RABL6: variants seen among roughly 807,000 people sequenced by gnomAD.
RABL6 encodes the protein RAB, member RAS oncogene family like 6.
In RABL6, 28 loss-of-function variants were observed where a neutral mutation model predicts 72.9. That is an observed-to-expected ratio of 0.38 (90% CI 0.28 to 0.53). The LOEUF (loss-of-function observed/expected upper bound fraction) is 0.53, where lower values mean the gene tolerates loss of function less well. Ranked by LOEUF, RABL6 falls within the 20% of genes least tolerant of loss-of-function variation. The pLI is 0.80. For synonymous variants in RABL6, 477 were observed against 421.2 expected (o/e 1.13, Z -1.62); for missense variants, 1,029 against 1,008.4 (o/e 1.02, Z -0.28).
intron 8 of RABL6, 158 bp from the exon 9 acceptor site, chr9:136,837,188 T>C: frequency 1.1e-6 from 1 of 873,356 alleles, no homozygotes; most frequent in Non-Finnish European, 1.9e-6. Context: ...ACTGCTGCCC[T>C]TGGAAGTGGA....
At position 136,840,653 on chromosome 9, in the gene RABL6, C is replaced by T. The variant is rs1412589518; in HGVS notation, c.*131C>T. 55 of 1,549,470 alleles carry T rather than the reference C, an allele frequency of 3.5e-5. No individual in the cohort carries two copies. The highest frequency in any genetic ancestry group is 3.6e-4 in the Middle Eastern group (2 of 5,486). Reference sequence around the variant, plus strand: ...TGTGCGCTTCTGAGCTGGAAGAGGCCGGGCATTGGTGGTCCCCAGGCTGGG... The same window carrying T: ...TGTGCGCTTCTGAGCTGGAAGAGGCTGGGCATTGGTGGTCCCCAGGCTGGG... On this transcript the variant is annotated 3_prime_UTR_variant, in exon 15 of 15. Transcript: ENST00000311502.
At chr9:136,830,598 C>T (rs1848452618) in intron 5 of RABL6, among the ~76,000 whole-genome samples, 1 of 152,270 alleles carries the variant, frequency 6.6e-6, no homozygotes, top group Non-Finnish European at 1.5e-5. Context: ...GGCAGCAGGC[C>T]AGCCTGGTGG....
intron 1 of RABL6, chr9:136,808,699 A>G (rs1847929973): frequency 6.5e-6 from 1 of 152,840 alleles, no homozygotes. Flanking sequence ...CCGACGCTCC[A>G]CGGTGCCCAG....
intron 1 of RABL6, chr9:136,809,361 G>GT (rs1354166141): frequency 2.0e-5 from 4 of 201,320 alleles, no homozygotes; most frequent in African/African-American, 9.6e-5. Context: ...GCCTTCCTTA[G>GT]TCCCCCGGCC....
intron 1 of RABL6, chr9:136,821,561 G>A (rs1400013078): frequency 2.0e-6 from 2 of 985,358 alleles, no homozygotes; most frequent in Non-Finnish European, 2.4e-6. Flanking sequence ...GCTCATCTGG[G>A]GGGGACGGCG....
At chr9:136,830,525 C>T (rs371679403) in intron 5 of RABL6, among the ~76,000 whole-genome samples, 3 of 152,268 alleles carry the variant, frequency 2.0e-5, no homozygotes, top group Non-Finnish European at 4.4e-5. Context: ...TCAGCTCGGG[C>T]GCACACGCTG....
chr9:136,813,162 G>A, intron 1 of RABL6: 2 of 463,714 alleles, frequency 4.3e-6, no homozygotes, highest in Non-Finnish European at 8.0e-6. Flanking sequence ...GTTTTAGATG[G>A]CTGGCTCCTG....
intron 5 of RABL6, among the ~76,000 whole-genome samples, chr9:136,830,476 CCA>C (rs1273849834): frequency 6.6e-6 from 1 of 152,258 alleles, no homozygotes; most frequent in African/African-American, 2.4e-5. Flanking sequence ...GGCAGGAGAA[CCA>C]CACACGGGGC....
intron 1 of RABL6, chr9:136,815,272 C>T (rs1424234534): frequency 1.0e-5 from 3 of 288,048 alleles, no homozygotes; most frequent in Non-Finnish European, 2.1e-5. Flanking sequence ...GCAGGTGTGG[C>T]GACTGCTTTG....
chr9:136,831,843 T>C lies in RABL6; in HGVS notation c.581T>C (p.Phe194Ser). Residue 194 changes from phenylalanine to serine, a missense_variant, in exon 6 of 15, where the codon TTC becomes TCC. By Grantham distance (155) the Phe-to-Ser change is radical. This residue lies in a region of RABL6 where 434 missense variants were observed against 536.1 expected (regional missense o/e 0.81). Transcript: ENST00000311502. ...ATCCTGCCGGACGACGTGCGTGACT[T>C]CATCGACAACCTGGACAGGTGGGTG... ...RVILPDDVRD[F>S]IDNLDRPPGS... is the part of the protein sequence containing the mutation. 6.2e-7 allele frequency: 1 copy of C among 1,612,054 alleles called. No individual in the cohort carries two copies. The highest frequency in any genetic ancestry group is 8.5e-7 in the Non-Finnish European group (1 of 1,179,190).
At chr9:136,812,218 C>T (rs930170371) in intron 1 of RABL6, among the ~76,000 whole-genome samples, 3 of 152,102 alleles carry the variant, frequency 2.0e-5, no homozygotes, top group Non-Finnish European at 4.4e-5. Context: ...CCCAGGAGCT[C>T]GGACAACCAG....
chr9:136,815,338 G>A (rs768070118), intron 1 of RABL6: 3 of 275,702 alleles, frequency 1.1e-5, no homozygotes, highest in South Asian at 4.1e-5. Flanking sequence ...TTTTTTGTTC[G>A]GGAAACTGTC....
At position 136,838,383 on chromosome 9, in the gene RABL6, C is replaced by T. The variant is rs555580609; in HGVS notation, c.1280+368C>T. Among the ~76,000 whole-genome samples, 26 of 152,326 alleles carry T rather than the reference C, an allele frequency of 1.7e-4. No individual in the cohort carries two copies. The South Asian group carries it at 1.9e-3, about 11-fold the overall frequency. On this transcript the variant is annotated intron_variant, in intron 10 of 14. Transcript: ENST00000311502. Reference sequence around the variant, plus strand: ...GATCCAGGTGCTGCAGAGACAGGGGCGGCTTCCTGCAGGTCCTAGAGCTGG... The same window carrying T: ...GATCCAGGTGCTGCAGAGACAGGGGTGGCTTCCTGCAGGTCCTAGAGCTGG...
chr9:136,817,440 A>T (rs931907967), intron 1 of RABL6, among the ~76,000 whole-genome samples: 2 of 152,210 alleles, frequency 1.3e-5, no homozygotes, highest in African/African-American at 4.8e-5. Flanking sequence ...GACTTCCCTG[A>T]GAGGAGCATG....
chr9:136,830,712 G>A (rs1434135715), intron 5 of RABL6, among the ~76,000 whole-genome samples: 3 of 152,260 alleles, frequency 2.0e-5, no homozygotes, highest in Admixed American at 6.5e-5. Context: ...AGCTGCAGCC[G>A]CCTGGGCTGC....
At chr9:136,808,418 C>A (rs917356644) in intron 1 of RABL6, 92 bp downstream of exon 1, 21 of 1,279,214 alleles carry the variant, frequency 1.6e-5, no homozygotes, top group Non-Finnish European at 2.1e-5. Context: ...GTCGGTCTCA[C>A]CTGCTTGCCG....
intron 5 of RABL6, among the ~76,000 whole-genome samples, chr9:136,829,842 G>A (rs1848434888): frequency 6.6e-6 from 1 of 152,238 alleles, no homozygotes; most frequent in Non-Finnish European, 1.5e-5. Flanking sequence ...TCATGACCTA[G>A]GAGGACCCAC....
intron 1 of RABL6, 113 bp downstream of exon 1, chr9:136,808,439 G>T (rs1847918190): frequency 1.7e-6 from 2 of 1,164,252 alleles, no homozygotes; most frequent in Non-Finnish European, 1.1e-6. Flanking sequence ...GTTGTGGGGT[G>T]CGCTGGGCCC....
rs1372090022 is a variant in RABL6, at chr9:136,807,980, C to A, written c.-217C>A. 18 of 1,005,946 alleles carry A rather than the reference C, an allele frequency of 1.8e-5. No homozygotes were observed. Among genetic ancestry groups the A allele is most frequent in the East Asian group, 1.0e-4 (1 of 9,644 alleles). 62.3% of individuals were successfully genotyped at this position (1,005,946 alleles called of 1,614,324 possible). On this transcript the variant is annotated 5_prime_UTR_variant, in exon 1 of 15. Coordinates refer to ENST00000311502, the MANE Select transcript of RABL6 (RefSeq NM_024718.5). ...GGCGCTGACTCCTGGAGAGCGGTCG[C>A]GCCGGAGGCCGCGGGGGCCGGAGCG...
Sources: gnomAD v4.1 joint callset for allele counts (sites outside exome capture counted in the v4.1 genomes callset) on GRCh38, gnomAD v4.1.1 for gene constraint, gnomAD v4.1.1 regional missense constraint, MANE v1.5 for transcripts, NCBI Gene and HGNC (gene_info 2026-07-23, HGNC 2026-07-21) for gene names.